Variants in GPC5 observed in about 807,000 individuals in gnomAD.
GPC5 encodes glypican 5.
A neutral mutation model predicts 53.9 loss-of-function variants in GPC5; 47 were observed. The ratio of observed to expected loss-of-function variants is 0.87; its 90% CI spans 0.69 to 1.11. GPC5 has a LOEUF of 1.11. Ranked by LOEUF, GPC5 falls within the 50% of genes most tolerant of loss-of-function variation. The pLI is 0.00. For synonymous variants in GPC5, 286 were observed against 263.3 expected, an observed-to-expected ratio of 1.09 and a Z score of -0.84; for missense variants, 748 against 713.1, an observed-to-expected ratio of 1.05 and a Z score of -0.56.
At chr13:91,916,330 C>T (rs1391662237) in intron 6 of GPC5, among the ~76,000 whole-genome samples, 1 of 152,110 alleles carries the variant, frequency 6.6e-6, no homozygotes. Flanking sequence ...TACACAAAAA[C>T]TTGTACATGA....
chr13:92,297,544 C>T (rs1436620519), intron 7 of GPC5, among the ~76,000 whole-genome samples: 2 of 151,970 alleles, frequency 1.3e-5, no homozygotes, highest in Non-Finnish European at 2.9e-5. Flanking sequence ...TTTGTGAATG[C>T]ACCAATCGAC....
At position 92,527,221 on chromosome 13, in the gene GPC5, GAA is replaced by G. The variant is rs777903581; in HGVS notation, c.1562-339059_1562-339058del. On this transcript the variant is annotated intron_variant, in intron 7 of 7. Coordinates refer to ENST00000377067, the MANE Select transcript of GPC5 (RefSeq NM_004466.6). ...AGAAAGAAAGAAAGAAAGAAAGAAAGAAAGAAAGAAAGAAAGAAAGAAAGAAA... is the reference window on the plus strand; with the variant it reads ...AGAAAGAAAGAAAGAAAGAAAGAAAGAGAAAGAAAGAAAGAAAGAAAGAAA... Among the ~76,000 whole-genome samples, 7 of 35,186 alleles carry G rather than the reference GAA, an allele frequency of 2.0e-4. 1 individual carries two copies. The highest frequency in any genetic ancestry group is 1.5e-3 in the African/African-American group (7 of 4,810). 23.1% of individuals were successfully genotyped at this position (35,186 alleles called of 152,430 possible).
rs1877359468 is a variant in GPC5, at chr13:92,813,311, T to A, written c.1562-52971T>A. Among the ~76,000 whole-genome samples, 2 of 151,942 alleles carry A rather than the reference T, an allele frequency of 1.3e-5. 1 individual carries two copies. The highest frequency in any genetic ancestry group is 1.3e-4 in the Admixed American group (2 of 15,254). On this transcript the variant is annotated intron_variant, in intron 7 of 7. Coordinates refer to ENST00000377067, the MANE Select transcript of GPC5 (RefSeq NM_004466.6). ...CGGAGGAATCAAAATAATTTTGTAA[T>A]CTTTTTTTTAGTTCTGATTATGGTT...
intron 7 of GPC5, among the ~76,000 whole-genome samples, chr13:92,189,564 A>G (rs2042208576): frequency 6.6e-6 from 1 of 152,048 alleles, no homozygotes; most frequent in South Asian, 2.1e-4. Context: ...TTTCTTTTAC[A>G]TCGTGTCTGC....
At chr13:91,871,384 A>C (rs1166601182) in intron 5 of GPC5, among the ~76,000 whole-genome samples, 6 of 152,146 alleles carry the variant, frequency 3.9e-5, no homozygotes, top group Non-Finnish European at 5.9e-5. Flanking sequence ...GAGGAGCAGA[A>C]AAGATAACCA....
intron 7 of GPC5, among the ~76,000 whole-genome samples, chr13:92,714,566 C>T (rs75451666): frequency 7.2e-5 from 11 of 152,114 alleles, no homozygotes; most frequent in African/African-American, 7.2e-5. Context: ...CCATTTCAAT[C>T]GTATGCCAAC....
chr13:92,850,378 T>G (rs1878753522), intron 7 of GPC5, among the ~76,000 whole-genome samples: 1 of 152,154 alleles, frequency 6.6e-6, no homozygotes, highest in Non-Finnish European at 1.5e-5. Context: ...GGCAGGCGAA[T>G]GACTTGAGGT....
intron 7 of GPC5, among the ~76,000 whole-genome samples, chr13:92,336,047 TTAAG>T (rs2043320904): frequency 6.6e-6 from 1 of 152,172 alleles, no homozygotes; most frequent in Non-Finnish European, 1.5e-5. Flanking sequence ...TGGAGTATAG[TTAAG>T]TATCTTTGAT....
intron 7 of GPC5, among the ~76,000 whole-genome samples, chr13:92,618,934 T>C (rs1245943887): frequency 6.6e-6 from 1 of 151,970 alleles, no homozygotes; most frequent in African/African-American, 2.4e-5. Context: ...ACTTTCTATA[T>C]TGACTCACAT....
At chr13:92,680,801 C>G (rs867418000) in intron 7 of GPC5, among the ~76,000 whole-genome samples, 26 of 152,146 alleles carry the variant, frequency 1.7e-4, no homozygotes, top group African/African-American at 5.3e-4. Flanking sequence ...ATTGATCTGA[C>G]CCATAAACGC....
intron 1 of GPC5, among the ~76,000 whole-genome samples, chr13:91,447,723 C>T (rs1343947108): frequency 6.6e-6 from 1 of 152,096 alleles, no homozygotes; most frequent in Non-Finnish European, 1.5e-5. Context: ...TTTTACTGAT[C>T]TAAAATTAGT....
At chr13:91,464,900 C>G (rs1268514571) in intron 2 of GPC5, among the ~76,000 whole-genome samples, 1 of 152,106 alleles carries the variant, frequency 6.6e-6, no homozygotes, top group African/African-American at 2.4e-5. Context: ...TGATACTGTA[C>G]TATAGTTATA....
intron 7 of GPC5, among the ~76,000 whole-genome samples, chr13:92,512,315 G>A (rs372637978): frequency 6.6e-6 from 1 of 151,888 alleles, no homozygotes; most frequent in Admixed American, 6.6e-5. Flanking sequence ...TACTATTTCC[G>A]AGTCACCTTA....
intron 6 of GPC5, among the ~76,000 whole-genome samples, chr13:92,015,758 C>T (rs552064576): frequency 4.5e-4 from 68 of 152,266 alleles, no homozygotes; most frequent in South Asian, 3.7e-3. Flanking sequence ...ACATCTTTTA[C>T]AAACTATTTC....
At chr13:92,346,438 C>A (rs1235439291) in intron 7 of GPC5, among the ~76,000 whole-genome samples, 1 of 152,168 alleles carries the variant, frequency 6.6e-6, no homozygotes, top group Non-Finnish European at 1.5e-5. Flanking sequence ...GCAGCCCCAC[C>A]TGACATTACA....
chr13:92,092,268 C>T (rs1173583492), intron 6 of GPC5, among the ~76,000 whole-genome samples: 1 of 152,164 alleles, frequency 6.6e-6, no homozygotes, highest in Non-Finnish European at 1.5e-5. Flanking sequence ...ATATTTGTAT[C>T]TCATTACATA....
At chr13:91,942,954 T>C (rs1356388533) in intron 6 of GPC5, among the ~76,000 whole-genome samples, 9 of 152,104 alleles carry the variant, frequency 5.9e-5, no homozygotes, top group Admixed American at 2.0e-4. Flanking sequence ...CCATGCTGCA[T>C]AAATGATAAA....
chr13:92,206,261 G>GT (rs2042336381), intron 7 of GPC5, among the ~76,000 whole-genome samples: 1 of 148,874 alleles, frequency 6.7e-6, no homozygotes, highest in Admixed American at 6.7e-5. Flanking sequence ...CGCCTCCCGG[G>GT]TCACGCCATT....
chr13:92,444,667 C>T (rs1000949423), intron 7 of GPC5, among the ~76,000 whole-genome samples: 11 of 144,578 alleles, frequency 7.6e-5, no homozygotes, highest in Admixed American at 5.1e-4. Flanking sequence ...GGATGGCCCT[C>T]TAGTGAGTAC....
Sources: allele counts gnomAD v4.1 joint callset (sites outside exome capture counted in the v4.1 genomes callset), GRCh38; gene constraint gnomAD v4.1.1; transcripts MANE v1.5; gene names NCBI Gene and HGNC (gene_info 2026-07-23, HGNC 2026-07-21).